The following LRRTM4 variants were observed in gnomAD, a reference collection of about 807,000 sequenced individuals.
LRRTM4 encodes the protein leucine-rich repeat transmembrane neuronal protein 4.
In LRRTM4, 25 loss-of-function variants were observed where a neutral mutation model predicts 47.6. The observed-to-expected ratio is 0.53, with a 90% CI of 0.38 to 0.73. The LOEUF (loss-of-function observed/expected upper bound fraction) is 0.73, where lower values mean the gene tolerates loss of function less well. Ranked by LOEUF, LRRTM4 falls within the 30% of genes least tolerant of loss-of-function variation. LRRTM4 has a pLI of 0.00. For synonymous variants in LRRTM4, 311 were observed against 269.5 expected (o/e 1.15, Z -1.51); for missense variants, 638 against 713.4 (o/e 0.89, Z 1.20).
At chr2:76,953,480 A>G (rs572563268) in intron 3 of LRRTM4, among the ~76,000 whole-genome samples, 1 of 152,078 alleles carries the variant, frequency 6.6e-6, no homozygotes, top group South Asian at 2.1e-4. Context: ...ACACGCGCAC[A>G]CACACACATT....
chr2:77,365,326 C>T (rs573761625), intron 3 of LRRTM4, among the ~76,000 whole-genome samples: 1 of 152,140 alleles, frequency 6.6e-6, no homozygotes, highest in East Asian at 1.9e-4. Flanking sequence ...TAATGCTTAA[C>T]TACATCCTTC....
intron 3 of LRRTM4, among the ~76,000 whole-genome samples, chr2:77,175,422 T>G (rs1391565052): frequency 6.6e-6 from 1 of 152,132 alleles, no homozygotes; most frequent in African/African-American, 2.4e-5. Flanking sequence ...AAATCCCTCT[T>G]GGCTTGGATA....
At chr2:76,759,773 T>G (rs1673185368) in intron 3 of LRRTM4, among the ~76,000 whole-genome samples, 1 of 152,104 alleles carries the variant, frequency 6.6e-6, no homozygotes, top group Non-Finnish European at 1.5e-5. Flanking sequence ...ACCCCATTTT[T>G]CTGCAATGGG....
chr2:77,380,622 C>T (rs1277340528), intron 3 of LRRTM4, among the ~76,000 whole-genome samples: 1 of 151,726 alleles, frequency 6.6e-6, no homozygotes, highest in Admixed American at 6.6e-5. Flanking sequence ...ATGGTGAAAC[C>T]CCGTCTGTAC....
chr2:77,104,149 T>C (rs989880866), intron 3 of LRRTM4, among the ~76,000 whole-genome samples: 2 of 152,198 alleles, frequency 1.3e-5, no homozygotes, highest in Non-Finnish European at 2.9e-5. Flanking sequence ...ACAAGTCATT[T>C]ATCTTGTCTC....
At chr2:77,480,720 C>A (rs545115750) in intron 3 of LRRTM4, among the ~76,000 whole-genome samples, 1 of 151,514 alleles carries the variant, frequency 6.6e-6, no homozygotes, top group Non-Finnish European at 1.5e-5. Context: ...CCTTATGAGT[C>A]ATGCAGCATC....
chr2:76,753,706 A>G (rs987651657), intron 3 of LRRTM4, among the ~76,000 whole-genome samples: 2 of 152,134 alleles, frequency 1.3e-5, no homozygotes, highest in African/African-American at 4.8e-5. Context: ...CAATCTGAAA[A>G]TTGATTCAAA....
chr2:76,855,855 G>C (rs1000461182), intron 3 of LRRTM4, among the ~76,000 whole-genome samples: 10 of 152,086 alleles, frequency 6.6e-5, no homozygotes, highest in Admixed American at 5.2e-4. Flanking sequence ...GTTATTGAAG[G>C]GTAAGAAGCA....
intron 2 of LRRTM4, among the ~76,000 whole-genome samples, chr2:77,520,906 G>T (rs547717879): frequency 7.4e-4 from 109 of 147,444 alleles, no homozygotes; most frequent in Non-Finnish European, 1.4e-3. Context: ...TCTTAATGGA[G>T]AGAAAAAAAA....
chr2:76,903,310 G>A (rs529182119), intron 3 of LRRTM4, among the ~76,000 whole-genome samples: 1 of 152,132 alleles, frequency 6.6e-6, no homozygotes, highest in Non-Finnish European at 1.5e-5. Context: ...GCTGAGGAGG[G>A]TGTATCACGA....
At chr2:77,312,108 T>C (rs1326959132) in intron 3 of LRRTM4, among the ~76,000 whole-genome samples, 1 of 152,200 alleles carries the variant, frequency 6.6e-6, no homozygotes, top group Non-Finnish European at 1.5e-5. Context: ...GTGGTGTTTC[T>C]TTTGTAAGTC....
chr2:77,280,066 A>G (rs1433340166), intron 3 of LRRTM4, among the ~76,000 whole-genome samples: 3 of 152,084 alleles, frequency 2.0e-5, no homozygotes, highest in African/African-American at 7.2e-5. Flanking sequence ...ATCAGCTGCC[A>G]TTAAGTAGCG....
intron 3 of LRRTM4, among the ~76,000 whole-genome samples, chr2:77,078,031 A>T (rs1680395780): frequency 6.6e-6 from 1 of 151,800 alleles, no homozygotes; most frequent in East Asian, 1.9e-4. Context: ...CAGGCAGTGA[A>T]CTGCAGACTT....
intron 3 of LRRTM4, among the ~76,000 whole-genome samples, chr2:77,185,648 CTT>C (rs1673481672): frequency 6.6e-6 from 1 of 152,090 alleles, no homozygotes; most frequent in Non-Finnish European, 1.5e-5. Flanking sequence ...AAGAATCAAA[CTT>C]TAAATTACAG....
At chr2:76,971,662 G>A (rs1317847814) in intron 3 of LRRTM4, among the ~76,000 whole-genome samples, 4 of 151,982 alleles carry the variant, frequency 2.6e-5, no homozygotes, top group South Asian at 4.1e-4. Context: ...TAAGAAGTAA[G>A]CTTGGAATTG....
chr2:76,963,963 A>T (rs567979043), intron 3 of LRRTM4, among the ~76,000 whole-genome samples: 1 of 151,028 alleles, frequency 6.6e-6, no homozygotes, highest in Admixed American at 6.6e-5. Context: ...GAATATTTTT[A>T]TGGCCTACTG....
chr2:77,145,161 AAAAACTCC>A (rs1180189695), intron 3 of LRRTM4, among the ~76,000 whole-genome samples: 1 of 151,958 alleles, frequency 6.6e-6, no homozygotes, highest in Admixed American at 6.6e-5. Context: ...TTATACAAGG[AAAAACTCC>A]AAAAGTAAAG....
At chr2:77,398,260 C>T (rs57255363) in intron 3 of LRRTM4, among the ~76,000 whole-genome samples, 4,446 of 151,922 alleles carry the variant, frequency 0.029, 222 homozygotes, top group African/African-American at 0.1. Flanking sequence ...GTCTTCATAA[C>T]AGATAATACA....
At chr2:77,053,344 A>G (rs1679500918) in intron 3 of LRRTM4, among the ~76,000 whole-genome samples, 1 of 152,290 alleles carries the variant, frequency 6.6e-6, no homozygotes, top group Non-Finnish European at 1.5e-5. Flanking sequence ...ATGCAGGATG[A>G]TGGATAGGAA....
Sources: gnomAD v4.1 joint callset for allele counts (sites outside exome capture counted in the v4.1 genomes callset) on GRCh38, gnomAD v4.1.1 for gene constraint, MANE v1.5 for transcripts, NCBI Gene and HGNC (gene_info 2026-07-23, HGNC 2026-07-21) for gene names.